The following TFEC variants were observed in gnomAD, a reference collection of about 807,000 sequenced individuals.
TFEC encodes transcription factor EC.
TFEC carries 31 observed loss-of-function variants against 41.6 expected under a neutral mutation model. The observed-to-expected ratio is 0.74, with a 90% CI of 0.56 to 1.01. The LOEUF (loss-of-function observed/expected upper bound fraction) is 1.01. TFEC is among the 50% of genes least tolerant of loss of function. TFEC has a pLI of 0.00. For synonymous variants in TFEC, 143 were observed against 140.6 expected, an observed-to-expected ratio of 1.02 and a Z score of -0.12; for missense variants, 402 against 404.1, an observed-to-expected ratio of 0.99 and a Z score of 0.04.
chr7:116,154,623 A>G (rs1798830290), intron 1 of TFEC, among the ~76,000 whole-genome samples: 1 of 152,208 alleles, frequency 6.6e-6, no homozygotes, highest in Non-Finnish European at 1.5e-5. Flanking sequence ...CACTTATAAT[A>G]GCATTAATGA....
chr7:116,001,324 C>T (rs1448883385), intron 1 of TFEC, among the ~76,000 whole-genome samples: 5 of 151,764 alleles, frequency 3.3e-5, no homozygotes. Context: ...GAGACTTAAA[C>T]CTATGAAACT....
intron 3 of TFEC, among the ~76,000 whole-genome samples, chr7:116,089,888 G>A (rs1045536919): frequency 6.6e-6 from 1 of 152,104 alleles, no homozygotes; most frequent in Non-Finnish European, 1.5e-5. Flanking sequence ...CATCTAGCCA[G>A]TATCCCTGGA....
Position 115,935,334 on chromosome 7 carries a change from T to C in TFEC, c.*5217A>G, listed in dbSNP as rs560038886. ...GCAATAATTACAAATTCTACAGTCT[T>C]ATTAACAATGTTTTCTTGATCTAAC... On this transcript the variant is annotated 3_prime_UTR_variant, in exon 8 of 8. Transcript: ENST00000265440. 3.1e-4 allele frequency: 47 copies of C among 152,258 alleles called. No homozygotes were observed. Among genetic ancestry groups the C allele is most frequent in the African/African-American group, 1.1e-3 (46 of 41,542 alleles). The allele number at this position is 152,258 out of a possible 1,614,324, so 9.4% of individuals were successfully genotyped here. A position where few individuals can be genotyped will look rare whatever the true frequency, so the allele number is the denominator to read the frequency against.
chr7:116,001,178 G>A (rs753671624), intron 1 of TFEC, among the ~76,000 whole-genome samples: 38 of 152,084 alleles, frequency 2.5e-4, no homozygotes, highest in Non-Finnish European at 4.4e-4. Context: ...AGACAAAGGT[G>A]CCAATAACAC....
chr7:115,981,727 G>A (rs1223802759), intron 2 of TFEC, among the ~76,000 whole-genome samples: 1 of 152,190 alleles, frequency 6.6e-6, no homozygotes. Context: ...GCTAAGCCCA[G>A]ACAGAGCATC....
At chr7:116,112,060 G>T (rs1475408294) in intron 1 of TFEC, 3 of 972,116 alleles carry the variant, frequency 3.1e-6, no homozygotes, top group African/African-American at 3.5e-5. Context: ...AAAAAAGAGA[G>T]AAGTTACTGT....
chr7:115,963,471 C>T (rs943922904), intron 3 of TFEC, among the ~76,000 whole-genome samples: 3 of 151,624 alleles, frequency 2.0e-5, no homozygotes, highest in Non-Finnish European at 4.4e-5. Context: ...GGGACTTAAA[C>T]AGATAATTGT....
intron 1 of TFEC, among the ~76,000 whole-genome samples, chr7:116,009,713 A>T: frequency 6.6e-6 from 1 of 152,258 alleles, no homozygotes; most frequent in East Asian, 1.9e-4. Context: ...CTTGCTAGTA[A>T]ATTCACTGAT....
intron 3 of TFEC, among the ~76,000 whole-genome samples, chr7:116,110,295 T>A (rs1474176791): frequency 2.6e-5 from 4 of 152,258 alleles, no homozygotes; most frequent in African/African-American, 9.6e-5. Flanking sequence ...GGAGTGTTTT[T>A]AAAAATTTTC....
chr7:116,079,966 C>T (rs866739059), intron 3 of TFEC, among the ~76,000 whole-genome samples: 2 of 152,182 alleles, frequency 1.3e-5, no homozygotes, highest in Middle Eastern at 3.4e-3. Flanking sequence ...CAGCATGGTA[C>T]TGGTTTAAAA....
At chr7:115,980,076 CTTCT>C (rs1165760921) in intron 2 of TFEC, among the ~76,000 whole-genome samples, 1 of 152,164 alleles carries the variant, frequency 6.6e-6, no homozygotes, top group East Asian at 1.9e-4. Flanking sequence ...CAATTTTCTT[CTTCT>C]TTCTTACTAA....
intron 2 of TFEC, among the ~76,000 whole-genome samples, chr7:115,981,799 T>C (rs973764941): frequency 6.6e-6 from 1 of 151,908 alleles, no homozygotes; most frequent in Non-Finnish European, 1.5e-5. Flanking sequence ...GCTAGAATTA[T>C]CCAGACAAAC....
rs531910017 is a variant in TFEC at position 116,103,607 on chromosome 7, C to A, written c.198+7101G>T. 2.0e-5 allele frequency among the ~76,000 whole-genome samples: 3 copies of A among 152,170 alleles called. No homozygotes were observed. In the South Asian group the frequency reaches 6.2e-4, roughly 32 times the overall value. On this transcript the variant is annotated intron_variant, in intron 3 of 8. Transcript: ENST00000484212. ...ATGTGGAATAGAAATTATACTATTT[C>A]TGTTTTTGTCAATTATCTATATCTG...
At chr7:116,027,521 C>T (rs920213325) in intron 1 of TFEC, among the ~76,000 whole-genome samples, 11 of 151,998 alleles carry the variant, frequency 7.2e-5, no homozygotes, top group South Asian at 2.1e-4. Flanking sequence ...CTTTTGAGCC[C>T]GGGAGGTCGA....
rs540817732 is a variant in TFEC at position 115,998,951 on chromosome 7, A to G, written c.-72-14438T>C. ...CCACACAGAAAATCAATAAAGAAAC[A>G]TCAGACTTAATCTGAACTATAAACC... On this transcript the variant is annotated intron_variant, in intron 1 of 7. Transcript: ENST00000265440. Among the ~76,000 whole-genome samples, 10 of 152,194 alleles carry G rather than the reference A, an allele frequency of 6.6e-5. No individual in the cohort carries two copies. The South Asian group carries it at 2.1e-3, about 31-fold the overall frequency.
At chr7:116,115,312 T>C (rs1562974799) in intron 1 of TFEC, among the ~76,000 whole-genome samples, 1 of 151,968 alleles carries the variant, frequency 6.6e-6, no homozygotes, top group Non-Finnish European at 1.5e-5. Context: ...ACAACATACA[T>C]TTTTTGCTCT....
chr7:115,963,539 T>C (rs1306978671), intron 3 of TFEC, among the ~76,000 whole-genome samples: 2 of 151,742 alleles, frequency 1.3e-5, no homozygotes, highest in Non-Finnish European at 2.9e-5. Context: ...AACAGATGAA[T>C]AGATAAACAA....
intron 3 of TFEC, among the ~76,000 whole-genome samples, chr7:116,076,574 TA>T (rs749925081): frequency 6.6e-6 from 1 of 151,716 alleles, no homozygotes; most frequent in Non-Finnish European, 1.5e-5. Context: ...ATAGCATAAA[TA>T]AAAAGCTATC....
chr7:116,070,360 CA>C (rs1796798646), intron 3 of TFEC, among the ~76,000 whole-genome samples: 1 of 151,192 alleles, frequency 6.6e-6, no homozygotes, highest in African/African-American at 2.4e-5. Context: ...TTGCTTATAC[CA>C]AAAAATGTCC....
Sources: allele counts gnomAD v4.1 joint callset (sites outside exome capture counted in the v4.1 genomes callset), GRCh38; gene constraint gnomAD v4.1.1; transcripts MANE v1.5; gene names NCBI Gene and HGNC (gene_info 2026-07-23, HGNC 2026-07-21).